The following ZNF236 variants were observed in gnomAD, a reference collection of about 807,000 sequenced individuals.
ZNF236 encodes regulated by glucose.
In ZNF236, 50 loss-of-function variants were observed where a neutral mutation model predicts 191.2. The observed-to-expected ratio is 0.26, with a 90% CI of 0.21 to 0.33. The LOEUF is 0.33. Among genes scored for constraint, ZNF236 ranks in the 10% least tolerant of loss-of-function variants. ZNF236 has a pLI of 1.00. For missense variants in ZNF236, 1,754 were observed against 2,374.5 expected, an observed-to-expected ratio of 0.74 and a Z score of 5.43; for synonymous variants, 907 against 928.8, an observed-to-expected ratio of 0.98 and a Z score of 0.43.
intron 1 of ZNF236, among the ~76,000 whole-genome samples, chr18:76,843,284 A>G (rs528282156): frequency 3.3e-5 from 5 of 150,692 alleles, no homozygotes; most frequent in African/African-American, 5.0e-5. Flanking sequence ...AAAAAAAGCT[A>G]TTAGGGCCTA....
In ZNF236 at chr18:76,970,738, T is replaced by C. The variant is rs1968896612; in HGVS notation, c.*2399T>C. ...GATGAAGTTAGGAAATGTGATTAAT[T>C]TTTTTCGTTTGAAAATATTTAAGAT... On this transcript the variant is annotated 3_prime_UTR_variant, in exon 31 of 31. Coordinates refer to ENST00000320610, the MANE Select transcript of ZNF236 (RefSeq NM_001306089.2). 6.6e-6 allele frequency: 1 copy of C among 152,288 alleles called. No homozygotes were observed. Among genetic ancestry groups the C allele is most frequent in the African/African-American group, 2.4e-5 (1 of 41,476 alleles). The allele number at this position is 152,288 out of a possible 1,614,324, so 9.4% of individuals were successfully genotyped here.
intron 1 of ZNF236, among the ~76,000 whole-genome samples, chr18:76,843,478 G>A (rs948975156): frequency 2.0e-5 from 3 of 152,038 alleles, no homozygotes; most frequent in African/African-American, 7.2e-5. Flanking sequence ...GTAGAAGGGA[G>A]TTTTAAATAA....
chr18:76,954,111 G>A (rs1188910272), intron 27 of ZNF236, among the ~76,000 whole-genome samples: 1 of 152,178 alleles, frequency 6.6e-6, no homozygotes, highest in African/African-American at 2.4e-5. Flanking sequence ...ATATAATTCA[G>A]TCTCTAGATA....
chr18:76,953,917 G>C (rs1017328707), intron 27 of ZNF236, among the ~76,000 whole-genome samples: 5 of 152,128 alleles, frequency 3.3e-5, no homozygotes, highest in Non-Finnish European at 1.5e-5. Context: ...CCTCATGCTT[G>C]GGAGGGGGTG....
intron 27 of ZNF236, 73 bp from the exon 28 acceptor site, chr18:76,955,912 G>A (rs1968511400): frequency 4.0e-6 from 6 of 1,484,404 alleles, no homozygotes; most frequent in Non-Finnish European, 5.5e-6. Context: ...TTATCACCAC[G>A]GTGTGTGTCA....
intron 27 of ZNF236, among the ~76,000 whole-genome samples, chr18:76,955,743 G>A (rs1484431101): frequency 1.3e-5 from 2 of 152,138 alleles, no homozygotes; most frequent in Non-Finnish European, 2.9e-5. Context: ...TCAGTGCGGC[G>A]CCAGAGCTCA....
chr18:76,848,506 A>G (rs1270071854), intron 1 of ZNF236, among the ~76,000 whole-genome samples: 1 of 152,146 alleles, frequency 6.6e-6, no homozygotes, highest in African/African-American at 2.4e-5. Flanking sequence ...ATTCTGTGAT[A>G]TGTTATTTGT....
chr18:76,905,618 A>G (rs1322894504), intron 13 of ZNF236, among the ~76,000 whole-genome samples: 1 of 150,196 alleles, frequency 6.7e-6, no homozygotes, highest in African/African-American at 2.4e-5. Context: ...CCATAGACTG[A>G]AGCATTAGCA....
chr18:76,955,155 C>T (rs1411270358), intron 27 of ZNF236, among the ~76,000 whole-genome samples: 1 of 152,120 alleles, frequency 6.6e-6, no homozygotes, highest in Admixed American at 6.5e-5. Context: ...ACACTGTAAT[C>T]CCAGCACTTG....
rs142926402 is a variant in ZNF236, at chr18:76,953,925, G to A, written c.4915-2060G>A. Among the ~76,000 whole-genome samples the A allele has an allele frequency of 2.3e-3, 345 of 152,252 alleles. 1 individual carries two copies. The highest frequency in any genetic ancestry group is 6.8e-3 in the Middle Eastern group (2 of 294). On this transcript the variant is annotated intron_variant, in intron 27 of 30. Transcript: ENST00000320610. ...CCACACTCCTCATGCTTGGGAGGGG[G>A]TGGACATACACGCTCCTACCCTCCC... is the stretch of plus-strand genomic sequence containing the variant.
intron 9 of ZNF236, 120 bp downstream of exon 9, chr18:76,881,632 C>A: frequency 1.2e-6 from 1 of 843,130 alleles, no homozygotes; most frequent in Non-Finnish European, 1.8e-6. Context: ...TGTTTTGTAG[C>A]TAGCTGTAGT....
chr18:76,837,584 G>C (rs1216152413), intron 1 of ZNF236, among the ~76,000 whole-genome samples: 2 of 151,740 alleles, frequency 1.3e-5, no homozygotes, highest in Admixed American at 1.3e-4. Context: ...GGGATTAAAA[G>C]CGTGTGCCAC....
rs775298256 is a variant in ZNF236, at chr18:76,919,899, G to A, written c.3398G>A (p.Ser1133Asn). The change falls in exon 20 of 31, where the codon AGC (serine) becomes AAC (asparagine). Residue 1133 changes from serine to asparagine, a missense_variant. Physicochemically the swap from Ser to Asn is conservative, Grantham distance 46. Around this residue, in one of 5 missense-constraint regions of ZNF236, gnomAD observed 641 missense variants for 869.6 expected, o/e 0.74. Transcript: ENST00000320610. This position sits in a 1 kb window ranked among gnomAD's most constrained non-coding sequence, Gnocchi z 5.3. ...TTAGCCAAGATCCGGCCGCAGGAGA[G>A]CGCCACGGTGTCAGAGAAGGTCCTG... ...AQLAKIRPQE[S>N]ATVSEKVLVQ... is the part of the protein sequence containing the mutation. 8.1e-6 allele frequency: 13 copies of A among 1,614,222 alleles called. No homozygotes were observed. In the African/African-American group the frequency reaches 1.6e-4, roughly 20 times the overall value.
rs1334659968 is a variant in ZNF236, at chr18:76,843,283, TA to T, written c.56-6242del. 4.4e-3 allele frequency among the ~76,000 whole-genome samples: 669 copies of T among 152,096 alleles called. 6 individuals carry two copies. The highest frequency in any genetic ancestry group is 0.015 in the African/African-American group (641 of 41,496). ...CTGGGAAGAGGTTAAAAAAAAAAGC[TA>T]TTAGGGCCTATCTATTTCCAAATAT... On this transcript the variant is annotated intron_variant, in intron 1 of 30. Coordinates refer to ENST00000320610, the MANE Select transcript of ZNF236 (RefSeq NM_001306089.2).
At chr18:76,868,965 C>G in intron 4 of ZNF236, 102 bp downstream of exon 4, 13 of 1,120,262 alleles carry the variant, frequency 1.2e-5, no homozygotes, top group South Asian at 1.6e-5. Flanking sequence ...AAGAACCCAG[C>G]AAAGTGGAAC....
At chr18:76,944,645 G>C (rs947141611) in intron 26 of ZNF236, among the ~76,000 whole-genome samples, 4 of 152,260 alleles carry the variant, frequency 2.6e-5, no homozygotes, top group Admixed American at 2.6e-4. Context: ...AGCTGGGTGT[G>C]GTGGCATGTG....
At chr18:76,913,512 AT>A (rs1165068607) in intron 17 of ZNF236, among the ~76,000 whole-genome samples, 4 of 152,250 alleles carry the variant, frequency 2.6e-5, no homozygotes. Context: ...TAAGTAATAC[AT>A]TTAAGACTGT....
At chr18:76,867,779 A>G (rs573773246) in intron 3 of ZNF236, among the ~76,000 whole-genome samples, 2 of 152,204 alleles carry the variant, frequency 1.3e-5, no homozygotes, top group Admixed American at 6.5e-5. Context: ...ATTTTGTCTA[A>G]CCTCGTAACA....
In ZNF236 at chr18:76,925,262, C is replaced by A. The variant is rs1347020550; in HGVS notation, c.3735C>A (p.Arg1245=). 1 of 1,614,218 alleles carries A rather than the reference C, an allele frequency of 6.2e-7. No homozygotes were observed. Among genetic ancestry groups the A allele is most frequent in the South Asian group, 1.1e-5 (1 of 91,078 alleles). ...STKGSLKVHM[R]LHTGAKPFKC... is the part of the protein sequence containing the mutation. ...AGGGAAGTCTGAAGGTCCACATGCG[C>A]CTGCACACGGGAGCCAAGCCCTTCA... The change falls in exon 22 of 31, where the codon CGC becomes CGA. Residue 1245 remains arginine, a synonymous_variant. Coordinates refer to ENST00000320610, the MANE Select transcript of ZNF236 (RefSeq NM_001306089.2). This position sits in a 1 kb window ranked among gnomAD's most constrained non-coding sequence, Gnocchi z 5.7.
Sources: allele counts gnomAD v4.1 joint callset (sites outside exome capture counted in the v4.1 genomes callset), GRCh38; gene constraint gnomAD v4.1.1; regional missense constraint gnomAD v4.1.1; non-coding constraint Gnocchi (gnomAD v3.1); transcripts MANE v1.5; gene names NCBI Gene and HGNC (gene_info 2026-07-23, HGNC 2026-07-21).